The following INTS11 variants were observed in gnomAD, a reference collection of about 807,000 sequenced individuals.
The protein encoded by INTS11 is integrator complex subunit 11, also known as CPSF3-like protein.
INTS11 carries 77 observed loss-of-function variants against 78.6 expected under a neutral mutation model. The ratio of observed to expected loss-of-function variants is 0.98; its 90% confidence interval spans 0.81 to 1.18. The LOEUF (loss-of-function observed/expected upper bound fraction) is 1.18. Ranked by LOEUF, INTS11 falls within the 50% of genes most tolerant of loss-of-function variation. INTS11 has a pLI of 0.00. For missense variants in INTS11, 875 were observed against 825.9 expected (o/e 1.06, Z -0.73); for synonymous variants, 441 against 326.9 (o/e 1.35, Z -3.77).
Position 1,312,276 on chromosome 1 carries a change from G to C in INTS11, c.1557C>G (p.Asp519Glu). Residue 519 changes from aspartate to glutamate, a missense_variant, in exon 15 of 17, where the codon GAC becomes GAG. Transcript: ENST00000435064. ...LRFTCRVHLHDTRKEQETALR... is the reference protein window; with the variant it reads ...LRFTCRVHLHETRKEQETALR... ...ATGCCGTCTCCTGCTCCTTGCGTGT[G>C]TCATGCAGGTGCACGCGGCAGGTGA... 6.5e-7 allele frequency: 1 copy of C among 1,549,902 alleles called. No homozygotes were observed. Among genetic ancestry groups the C allele is most frequent in the Non-Finnish European group, 8.7e-7 (1 of 1,146,886 alleles).
At chr1:1,318,984 A>G (rs1033153703) in intron 4 of INTS11, 3 of 717,136 alleles carry the variant, frequency 4.2e-6, no homozygotes, top group Admixed American at 4.0e-5. Context: ...TGGCCGCTCC[A>G]AGCGCTCTGA....
rs756503541 is a variant in INTS11 at position 1,312,110 on chromosome 1, C to T, written c.1645G>A (p.Gly549Ser). ...KDHCVQHLPD[G>S]SVTVESVLLQ... Reference sequence around the variant, plus strand: ...AGGACGGACTCCACAGTCACAGAGCCGTCTGGGAGGTGCTGCACACAGTGG... The same window carrying T: ...AGGACGGACTCCACAGTCACAGAGCTGTCTGGGAGGTGCTGCACACAGTGG... The change falls in exon 16 of 17, where the codon GGC becomes AGC. Residue 549 changes from glycine (G) to serine (S), a missense_variant. Gly to Ser is a moderately conservative substitution (Grantham distance 56, BLOSUM62 0). Transcript: ENST00000435064. 3.2e-6 allele frequency: 5 copies of T among 1,571,368 alleles called. No homozygotes were observed. The highest frequency in any genetic ancestry group is 2.8e-5 in the African/African-American group (2 of 72,556).
chr1:1,314,441 C>T lies in INTS11; in HGVS notation c.703-76G>A. ...CAGGCAGCGTCCAGTGAGGGCACGG[C>T]CAGGTGCCCAAGAGCTGCGGCCTCA... On this transcript the variant is annotated intron_variant, in intron 7 of 16. Coordinates refer to ENST00000435064, the MANE Select transcript of INTS11 (RefSeq NM_017871.6). The surrounding 1 kb of genome is among the most constrained non-coding windows in gnomAD (Gnocchi z 4.2). The T allele has an allele frequency of 3.0e-6, 4 of 1,343,016 alleles. No homozygotes were observed. Among genetic ancestry groups the T allele is most frequent in the Non-Finnish European group, 4.1e-6 (4 of 972,684 alleles). The allele number at this position is 1,343,016 out of a possible 1,614,324, so 83.2% of individuals were successfully genotyped here.
rs1426636263 is a variant in INTS11 at position 1,313,771 on chromosome 1, C to T, written c.918G>A (p.Lys306=). The change falls in exon 9 of 17, where the codon AAG becomes AAA. Residue 306 remains lysine (K), a synonymous_variant. Transcript: ENST00000435064. Reference sequence around the variant, plus strand: ...TGTCAGCAAAAGCCCGGTCGAAGGCCTTGATGTGCTTGAACTCAAACATGT... The same window carrying T: ...TGTCAGCAAAAGCCCGGTCGAAGGCTTTGATGTGCTTGAACTCAAACATGT... The part of the protein sequence containing the change: ...QRNMFEFKHI[K]AFDRAFADNP... 2.5e-6 allele frequency: 4 copies of T among 1,613,222 alleles called. No individual in the cohort carries two copies. Among genetic ancestry groups the T allele is most frequent in the African/African-American group, 2.7e-5 (2 of 74,944 alleles).
At chr1:1,320,730 C>T (rs1275029290) in intron 2 of INTS11, 1 of 722,226 alleles carries the variant, frequency 1.4e-6, no homozygotes, top group African/African-American at 1.7e-5. Context: ...ACCTCACTGA[C>T]AGATGTGAGC....
intron 1 of INTS11, among the ~76,000 whole-genome samples, chr1:1,321,645 T>C (rs2100634444): frequency 6.6e-6 from 1 of 152,290 alleles, no homozygotes; most frequent in South Asian, 2.1e-4. Flanking sequence ...GGTCCAGCAG[T>C]GGCCAGCGTG....
At chr1:1,323,214 G>T in intron 1 of INTS11, 2 of 1,550,344 alleles carry the variant, frequency 1.3e-6, no homozygotes, top group Non-Finnish European at 8.7e-7. Context: ...CCGTCCTGGT[G>T]TCTGTGCTGG....
In INTS11 at chr1:1,312,686, T is replaced by G. The variant is rs1642295602; in HGVS notation, c.1309A>C (p.Met437Leu). The change falls in exon 13 of 17, where the codon ATG becomes CTG. Residue 437 changes from methionine to leucine, a missense_variant. Physicochemically the swap from Met to Leu is conservative, Grantham distance 15. Coordinates refer to ENST00000435064, the MANE Select transcript of INTS11 (RefSeq NM_017871.6). The part of the protein sequence containing the change: ...IEQELRVNCY[M>L]PANGETVTLP... ...GTCACCGTCTCGCCATTGGCCGGCA[T>G]GTAGCAGTTGACCCCTGGACCCCGG... is the stretch of plus-strand genomic sequence containing the variant. The G allele has an allele frequency of 6.3e-7, 1 of 1,594,722 alleles. No individual in the cohort carries two copies. The highest frequency in any genetic ancestry group is 8.6e-7 in the Non-Finnish European group (1 of 1,167,450).
chr1:1,314,178 C>T lies in INTS11; in HGVS notation c.767+123G>A. ...TGGGGTCACACAGCACACGAGCGGC[C>T]CCCCAGGACAGCAGCAAGCAGGGCC... On this transcript the variant is annotated intron_variant, in intron 8 of 16. Transcript: ENST00000435064. The surrounding 1 kb of genome is among the most constrained non-coding windows in gnomAD (Gnocchi z 4.2). 2.1e-6 allele frequency: 2 copies of T among 972,252 alleles called. No individual in the cohort carries two copies. The highest frequency in any genetic ancestry group is 1.4e-5 in the South Asian group (1 of 71,250). 60.2% of individuals were successfully genotyped at this position (972,252 alleles called of 1,614,324 possible).
chr1:1,314,442 C>CAGGT lies in INTS11; in HGVS notation c.703-81_703-78dup. The CAGGT allele has an allele frequency of 7.4e-7, 1 of 1,345,660 alleles. No individual in the cohort carries two copies. The highest frequency in any genetic ancestry group is 1.5e-5 in the African/African-American group (1 of 68,316). 83.4% of individuals were successfully genotyped at this position (1,345,660 alleles called of 1,614,324 possible). On this transcript the variant is annotated intron_variant, in intron 7 of 16. Coordinates refer to ENST00000435064, the MANE Select transcript of INTS11 (RefSeq NM_017871.6). The surrounding 1 kb of genome is among the most constrained non-coding windows in gnomAD (Gnocchi z 4.2). The stretch of plus-strand genomic sequence containing the variant: ...AGGCAGCGTCCAGTGAGGGCACGGC[C>CAGGT]AGGTGCCCAAGAGCTGCGGCCTCAT...
intron 1 of INTS11, chr1:1,321,974 C>G (rs1189079152): frequency 2.2e-6 from 3 of 1,380,722 alleles, no homozygotes; most frequent in South Asian, 3.4e-5. Flanking sequence ...GGGCCACAGC[C>G]GAGGGGCTGC....
In INTS11 at chr1:1,311,711, C is replaced by T. The variant is rs1642172124; in HGVS notation, c.*148G>A. 2.4e-6 allele frequency: 2 copies of T among 833,398 alleles called. No individual in the cohort carries two copies. Among genetic ancestry groups the T allele is most frequent in the Non-Finnish European group, 3.9e-6 (2 of 514,658 alleles). The allele number at this position is 833,398 out of a possible 1,614,324, so 51.6% of individuals were successfully genotyped here. On this transcript the variant is annotated 3_prime_UTR_variant, in exon 17 of 17. Transcript: ENST00000435064. ...TGTTTCTTCAGCTGCAAACAGCTGC[C>T]TGGGCAGGCAGGTGACACAAGGCCT...
At chr1:1,319,261 A>G (rs1227981148) in intron 4 of INTS11, 35 bp downstream of exon 4, 2 of 1,538,374 alleles carry the variant, frequency 1.3e-6, no homozygotes, top group African/African-American at 1.4e-5. Flanking sequence ...GGGGGTGGGC[A>G]GTGACTGTGC....
Position 1,314,023 on chromosome 1 carries a change from G to T in INTS11, c.768-102C>A. ...CAACACCCGTGTCTGCACAGCCCAC[G>T]CACGGGCCAGGTTGAGTCCAGTCGC... On this transcript the variant is annotated intron_variant, in intron 8 of 16. Coordinates refer to ENST00000435064, the MANE Select transcript of INTS11 (RefSeq NM_017871.6). This position sits in a 1 kb window ranked among gnomAD's most constrained non-coding sequence, Gnocchi z 4.2. 1 of 1,221,044 alleles carries T rather than the reference G, an allele frequency of 8.2e-7. No homozygotes were observed. The highest frequency in any genetic ancestry group is 1.2e-6 in the Non-Finnish European group (1 of 854,718). 75.6% of individuals were successfully genotyped at this position (1,221,044 alleles called of 1,614,324 possible).
rs770377125 is a variant in INTS11 at position 1,311,615 on chromosome 1, T to C, written c.*244A>G. Reference sequence around the variant, plus strand: ...TACCAAGTAGTCTTTTGTTCAGCTTTTACTGGAAACTGCTGTCTAGGACCA... The same window carrying C: ...TACCAAGTAGTCTTTTGTTCAGCTTCTACTGGAAACTGCTGTCTAGGACCA... On this transcript the variant is annotated 3_prime_UTR_variant, in exon 17 of 17. Coordinates refer to ENST00000435064, the MANE Select transcript of INTS11 (RefSeq NM_017871.6). 8.2e-5 allele frequency: 59 copies of C among 715,334 alleles called. No homozygotes were observed. The highest frequency in any genetic ancestry group is 1.3e-4 in the Non-Finnish European group (51 of 397,768). 44.3% of individuals were successfully genotyped at this position (715,334 alleles called of 1,614,324 possible).
chr1:1,315,221 A>G, intron 6 of INTS11, 183 bp downstream of exon 6: 1 of 765,742 alleles, frequency 1.3e-6, no homozygotes, highest in Non-Finnish European at 2.1e-6. Context: ...GGAGGGACAG[A>G]GGCCCCTGCC....
At chr1:1,312,558 CGAGCACCCTGCCCT>C (rs1214338086) in intron 13 of INTS11, 21 bp downstream of exon 13, 3 of 1,577,260 alleles carry the variant, frequency 1.9e-6, no homozygotes, top group Admixed American at 3.5e-5. Context: ...CCGCCTGCCC[CGAGCACCCTGCCCT>C]GCCCTGCCCA....
rs745414117 is a variant in INTS11, at chr1:1,320,497, C to G, written c.159G>C (p.Gln53His). The change falls in exon 3 of 17, where the codon CAG (glutamine) becomes CAC (histidine). Residue 53 changes from glutamine to histidine, a missense_variant. Transcript: ENST00000435064. The part of the protein sequence containing the change: ...RRFPDFSYIT[Q>H]NGRLTDFLDC... Reference sequence around the variant, plus strand: ...CCAGGAAGTCTGTTAGGCGGCCGTTCTGGGTGATGTAGGAGAAGTCAGGGA... The same window carrying G: ...CCAGGAAGTCTGTTAGGCGGCCGTTGTGGGTGATGTAGGAGAAGTCAGGGA... 2 of 1,613,960 alleles carry G rather than the reference C, an allele frequency of 1.2e-6. No homozygotes were observed. Among genetic ancestry groups the G allele is most frequent in the Admixed American group, 3.3e-5 (2 of 60,022 alleles).
rs757243917 is a variant in INTS11, at chr1:1,321,026, G to C, written c.96C>G (p.Asp32Glu). Residue 32 changes from aspartate to glutamate, a missense_variant, in exon 2 of 17, where the codon GAC (aspartate) becomes GAG (glutamate). Transcript: ENST00000435064. ...VSIAGKNVML[D>E]CGMHMGFNDD... Reference sequence around the variant, plus strand: ...CATTGAAGCCCATGTGCATTCCACAGTCCAGCATGACATTCTTGCCCGCAA... The same window carrying C: ...CATTGAAGCCCATGTGCATTCCACACTCCAGCATGACATTCTTGCCCGCAA... The C allele has an allele frequency of 2.5e-6, 4 of 1,613,158 alleles. No homozygotes were observed. In the South Asian group the frequency reaches 3.3e-5, roughly 13 times the overall value.
Sources: allele counts gnomAD v4.1 joint callset (sites outside exome capture counted in the v4.1 genomes callset), GRCh38; gene constraint gnomAD v4.1.1; non-coding constraint Gnocchi (gnomAD v3.1); transcripts MANE v1.5; gene names NCBI Gene and HGNC (gene_info 2026-07-23, HGNC 2026-07-21).